The following RAPGEF2 variants were observed in gnomAD, a reference collection of about 807,000 sequenced individuals.
RAPGEF2 encodes the protein Rap guanine nucleotide exchange factor 2, also known as PDZ domain containing guanine nucleotide exchange factor (GEF) 1.
Under a neutral mutation model 186.7 loss-of-function variants are expected in RAPGEF2, and 54 were observed. The observed-to-expected ratio is 0.29, with a 90% CI of 0.23 to 0.36. The LOEUF is 0.36. RAPGEF2 is among the 10% of genes least tolerant of loss of function. The pLI is 1.00. For missense variants in RAPGEF2, 1,532 were observed against 2,045.0 expected (o/e 0.75, Z 4.84); for synonymous variants, 712 against 705.9 (o/e 1.01, Z -0.14).
chr4:159,165,027 C>T (rs1192916635), intron 1 of RAPGEF2, among the ~76,000 whole-genome samples: 2 of 152,088 alleles, frequency 1.3e-5, no homozygotes, highest in Non-Finnish European at 2.9e-5. Flanking sequence ...TTAAAAAAAT[C>T]TCACACAAAG....
In RAPGEF2 at chr4:159,200,335, G is replaced by T. The variant is rs187200339; in HGVS notation, c.197+7079G>T. On this transcript the variant is annotated intron_variant, in intron 3 of 29. Coordinates refer to ENST00000691494, the MANE Select transcript of RAPGEF2 (RefSeq NM_001394067.2). The stretch of plus-strand genomic sequence containing the variant: ...TACAAAAATTAGCCAGTGTGGTGGC[G>T]CACCTCTGTGGTCCCAGCACTGCTC... Among the ~76,000 whole-genome samples the T allele has an allele frequency of 2.0e-5, 3 of 152,152 alleles. No homozygotes were observed. The East Asian group carries it at 5.8e-4, about 29-fold the overall frequency.
At chr4:159,259,094 G>A (rs908812500) in intron 7 of RAPGEF2, among the ~76,000 whole-genome samples, 1 of 152,136 alleles carries the variant, frequency 6.6e-6, no homozygotes, top group Non-Finnish European at 1.5e-5. Flanking sequence ...TGGCCAAAGA[G>A]GTTAAGTAAC....
chr4:159,311,569 A>G (rs1763956082), intron 8 of RAPGEF2, among the ~76,000 whole-genome samples: 2 of 152,190 alleles, frequency 1.3e-5, no homozygotes, highest in South Asian at 2.1e-4. Flanking sequence ...TTGTATCTAC[A>G]GTTTACATCG....
At chr4:159,246,254 G>GA (rs909834112) in intron 7 of RAPGEF2, among the ~76,000 whole-genome samples, 96 of 152,020 alleles carry the variant, frequency 6.3e-4, no homozygotes, top group Non-Finnish European at 1.3e-4. Flanking sequence ...AAAAGTAATG[G>GA]AAAATACTAC....
chr4:159,136,889 G>C (rs1056058014), intron 1 of RAPGEF2, among the ~76,000 whole-genome samples: 3 of 152,092 alleles, frequency 2.0e-5, no homozygotes, highest in Non-Finnish European at 4.4e-5. Flanking sequence ...ACCTGAACTG[G>C]CTACTGTTCC....
intron 7 of RAPGEF2, chr4:159,268,316 TAGAAGGTATAGTA>T (rs1467352535): frequency 1.0e-6 from 1 of 983,812 alleles, no homozygotes; most frequent in African/African-American, 1.6e-5. Flanking sequence ...ACAGTTTTTG[TAGAAGGTATAGTA>T]GTCTGCTTGG....
intron 1 of RAPGEF2, among the ~76,000 whole-genome samples, chr4:159,177,660 G>T (rs9990480): frequency 6.6e-6 from 1 of 151,924 alleles, no homozygotes; most frequent in African/African-American, 2.4e-5. Flanking sequence ...AAACACTGCA[G>T]CTTAACCATA....
intron 1 of RAPGEF2, among the ~76,000 whole-genome samples, chr4:159,185,402 G>A (rs961782988): frequency 2.6e-5 from 4 of 152,150 alleles, no homozygotes; most frequent in Non-Finnish European, 5.9e-5. Context: ...TAGCCAAAAA[G>A]AGGGAAGATC....
intron 7 of RAPGEF2, among the ~76,000 whole-genome samples, chr4:159,253,389 T>C (rs1755710571): frequency 1.3e-5 from 2 of 152,234 alleles, no homozygotes; most frequent in Non-Finnish European, 2.9e-5. Context: ...GTCTTCTGAA[T>C]TTTGGCGCAT....
At chr4:159,138,651 A>T (rs1003003180) in intron 1 of RAPGEF2, among the ~76,000 whole-genome samples, 1 of 152,212 alleles carries the variant, frequency 6.6e-6, no homozygotes, top group Non-Finnish European at 1.5e-5. Context: ...TGATTTCTAC[A>T]TTGGGGAATG....
At chr4:159,252,355 A>G (rs1051445411) in intron 7 of RAPGEF2, among the ~76,000 whole-genome samples, 1 of 152,226 alleles carries the variant, frequency 6.6e-6, no homozygotes, top group Non-Finnish European at 1.5e-5. Context: ...TCTTTATACA[A>G]AAATTTAAAC....
intron 29 of RAPGEF2, 120 bp from the exon 30 acceptor site, chr4:159,357,994 C>G (rs923595745): frequency 1.1e-4 from 110 of 974,970 alleles, no homozygotes; most frequent in Non-Finnish European, 1.5e-4. Flanking sequence ...TCTAAGTGAG[C>G]TATACTAAAA....
intron 4 of RAPGEF2, among the ~76,000 whole-genome samples, chr4:159,227,382 A>G (rs1410772622): frequency 6.6e-6 from 1 of 152,238 alleles, no homozygotes; most frequent in Non-Finnish European, 1.5e-5. Flanking sequence ...TATTAGAGCT[A>G]AGCTTCCTTG....
chr4:159,128,830 T>C (rs2111121042), intron 1 of RAPGEF2: 2 of 147,366 alleles, frequency 1.4e-5, no homozygotes, highest in Admixed American at 1.3e-4. Flanking sequence ...GCAAAGTCTT[T>C]CCATATGTGT....
Position 159,358,243 on chromosome 4 carries a change from C to T in RAPGEF2, c.*104C>T, listed in dbSNP as rs1732332694. The T allele has an allele frequency of 8.4e-7, 1 of 1,191,870 alleles. No homozygotes were observed. The highest frequency in any genetic ancestry group is 1.2e-6 in the Non-Finnish European group (1 of 833,128). The allele number at this position is 1,191,870 out of a possible 1,614,324, so 73.8% of individuals were successfully genotyped here. ...AACTCACATTCTGAGGACGGTGGAC[C>T]AGTTTGCCTCCTTCCCTGCCTTAAA... On this transcript the variant is annotated 3_prime_UTR_variant, in exon 30 of 30. Coordinates refer to ENST00000691494, the MANE Select transcript of RAPGEF2 (RefSeq NM_001394067.2).
At chr4:159,281,667 A>G (rs1322878279) in intron 7 of RAPGEF2, among the ~76,000 whole-genome samples, 1 of 89,660 alleles carries the variant, frequency 1.1e-5, no homozygotes, top group Non-Finnish European at 2.2e-5. Context: ...GTGCAACTTG[A>G]TTTCAAAAAA....
chr4:159,195,875 GTTTTTTT>G (rs34827512), intron 3 of RAPGEF2, among the ~76,000 whole-genome samples: 1,260 of 94,166 alleles, frequency 0.013, 18 homozygotes, highest in Middle Eastern at 0.044. Context: ...AAACATACCT[GTTTTTTT>G]TTTTTTTTTT....
chr4:159,340,636 AAAAAC>A (rs1209704111), intron 19 of RAPGEF2, among the ~76,000 whole-genome samples: 2 of 151,250 alleles, frequency 1.3e-5, no homozygotes, highest in South Asian at 2.1e-4. Flanking sequence ...TCTAAAAAAC[AAAAAC>A]AAAACAAAAA....
At chr4:159,292,875 C>T (rs1344726513) in intron 7 of RAPGEF2, among the ~76,000 whole-genome samples, 1 of 152,112 alleles carries the variant, frequency 6.6e-6, no homozygotes, top group African/African-American at 2.4e-5. Flanking sequence ...CACTGAACAA[C>T]TCCATATATT....
Sources: gnomAD v4.1 joint callset for allele counts (sites outside exome capture counted in the v4.1 genomes callset) on GRCh38, gnomAD v4.1.1 for gene constraint, MANE v1.5 for transcripts, NCBI Gene and HGNC (gene_info 2026-07-23, HGNC 2026-07-21) for gene names.